PYY: variants seen among roughly 807,000 people sequenced by gnomAD.
PYY encodes peptide tyrosine tyrosine.
PYY carries 12 observed loss-of-function variants against 10.3 expected under a neutral mutation model. The ratio of observed to expected loss-of-function variants is 1.17; its 90% confidence interval spans 0.75 to 1.89. The LOEUF is 1.89. Ranked by LOEUF, PYY falls within the 40% of genes most tolerant of loss-of-function variation. PYY has a pLI of 0.00. For synonymous variants in PYY, 66 were observed against 62.0 expected (o/e 1.06, Z -0.30); for missense variants, 141 against 134.0 (o/e 1.05, Z -0.26).
At chr17:43,959,946 C>T (rs374690806) in intron 2 of PYY, among the ~76,000 whole-genome samples, 13 of 152,204 alleles carry the variant, frequency 8.5e-5, no homozygotes, top group East Asian at 7.7e-4. Flanking sequence ...ACAGTCAGCT[C>T]CCTGATTCAC....
Position 43,964,939 on chromosome 17 carries a change from G to A in PYY, c.-218+1349C>T, listed in dbSNP as rs866919703. ...GGGATTTTTAATGCTACCATCTCCT[G>A]TGTCCTTGAGAACAAGAATTTACAA... On this transcript the variant is annotated intron_variant, in intron 2 of 6. Coordinates refer to the PYY transcript ENST00000360085. Among the ~76,000 whole-genome samples the A allele has an allele frequency of 3.9e-5, 6 of 152,314 alleles. No individual in the cohort carries two copies. The Middle Eastern group carries it at 0.01, about 259-fold the overall frequency.
At position 43,987,164 on chromosome 17, in the gene PYY, TATC is replaced by T. The variant is rs1222546608; in HGVS notation, c.-463+17224_-463+17226del. Among the ~76,000 whole-genome samples the T allele has an allele frequency of 6.6e-6, 1 of 152,110 alleles. No homozygotes were observed. The highest frequency in any genetic ancestry group is 1.5e-5 in the Non-Finnish European group (1 of 68,012). On this transcript the variant is annotated intron_variant, in intron 1 of 6. Coordinates refer to the PYY transcript ENST00000360085. This position sits in a 1 kb window ranked among gnomAD's most constrained non-coding sequence, Gnocchi z 4.0. ...CCTGAAACCATGTCTCTATTACCAA[TATC>T]ATCAGACTGGGCAGAGCTCTCCCCT...
At chr17:43,978,034 A>G (rs2048859808) in intron 1 of PYY, among the ~76,000 whole-genome samples, 1 of 150,882 alleles carries the variant, frequency 6.6e-6, no homozygotes, top group Non-Finnish European at 1.5e-5. Context: ...GCCCGTTTCT[A>G]CAAAAAAACA....
Position 43,987,906 on chromosome 17 carries a change from C to T in PYY, c.-463+16485G>A, listed in dbSNP as rs890346218. Among the ~76,000 whole-genome samples, 22 of 152,160 alleles carry T rather than the reference C, an allele frequency of 1.4e-4. No homozygotes were observed. The highest frequency in any genetic ancestry group is 5.1e-4 in the African/African-American group (21 of 41,430). On this transcript the variant is annotated intron_variant, in intron 1 of 6. Coordinates refer to the PYY transcript ENST00000360085. This position sits in a 1 kb window ranked among gnomAD's most constrained non-coding sequence, Gnocchi z 4.0. ...TTCGGTAGCAGGGAGGGGCAGAGAGCGGTGGGACATATGCCTCCATCTGTC... is the reference window on the plus strand; with the variant it reads ...TTCGGTAGCAGGGAGGGGCAGAGAGTGGTGGGACATATGCCTCCATCTGTC...
rs190280959 is a variant in PYY at position 43,996,272 on chromosome 17, G to A, written c.-463+8119C>T. ...AGAGACCACTCTGAGACTACGTGGA[G>A]AGAGAGAGAGAGATGCTTGTCCAGC... is the stretch of plus-strand genomic sequence containing the variant. On this transcript the variant is annotated intron_variant, in intron 1 of 6. Transcript: ENST00000360085. Among the ~76,000 whole-genome samples, 24 of 150,866 alleles carry A rather than the reference G, an allele frequency of 1.6e-4. No homozygotes were observed. In the South Asian group the frequency reaches 2.7e-3, roughly 17 times the overall value.
At chr17:43,963,630 A>AAGAAAGAGAG (rs2048734368) in intron 2 of PYY, among the ~76,000 whole-genome samples, 2 of 145,238 alleles carry the variant, frequency 1.4e-5, no homozygotes, top group African/African-American at 5.1e-5. Context: ...AAGAAAGAGA[A>AAGAAAGAGAG]AGAAAGAAAA....
chr17:43,955,865 C>T (rs1199904175), upstream of PYY, among the ~76,000 whole-genome samples: 1 of 152,114 alleles, frequency 6.6e-6, no homozygotes, highest in East Asian at 1.9e-4. Context: ...GTTAGGACAT[C>T]TGTGATCCCA....
At chr17:43,997,147 C>G (rs1022414234) in intron 1 of PYY, among the ~76,000 whole-genome samples, 1 of 151,708 alleles carries the variant, frequency 6.6e-6, no homozygotes, top group Non-Finnish European at 1.5e-5. Context: ...CAAGTGATTC[C>G]CCGGCCTCAG....
chr17:43,989,552 G>A (rs1370881328), intron 1 of PYY, among the ~76,000 whole-genome samples: 1 of 151,926 alleles, frequency 6.6e-6, no homozygotes, highest in Non-Finnish European at 1.5e-5. Context: ...CCATCCTGAT[G>A]TGTGTGAAGC....
chr17:43,976,381 A>G (rs528362957), intron 1 of PYY, among the ~76,000 whole-genome samples: 9 of 150,072 alleles, frequency 6.0e-5, no homozygotes, highest in Admixed American at 6.0e-4. Context: ...ATATACACAT[A>G]CATGTATACA....
Position 44,002,196 on chromosome 17 carries a change from C to T in PYY, c.-463+2195G>A, listed in dbSNP as rs192502178. 9.7e-3 allele frequency among the ~76,000 whole-genome samples: 1,484 copies of T among 152,264 alleles called. 12 individuals are homozygous for T. Among genetic ancestry groups the T allele is most frequent in the Non-Finnish European group, 0.017 (1,141 of 68,010 alleles). On this transcript the variant is annotated intron_variant, in intron 1 of 6. Coordinates refer to the PYY transcript ENST00000360085. ...CCCTCCTTCCACTACAGAGTCTCCC[C>T]CCCGGGACAGTGTGTCCGAGGGGTG... is the stretch of plus-strand genomic sequence containing the variant.
chr17:43,965,492 A>AAAAT (rs1270723237), intron 2 of PYY, among the ~76,000 whole-genome samples: 8 of 145,886 alleles, frequency 5.5e-5, no homozygotes, highest in African/African-American at 2.0e-4. Flanking sequence ...AAAAAAAAAA[A>AAAAT]AAATTGTATA....
At chr17:43,968,351 C>T (rs1011222428) in intron 1 of PYY, among the ~76,000 whole-genome samples, 1 of 152,090 alleles carries the variant, frequency 6.6e-6, no homozygotes, top group African/African-American at 2.4e-5. Flanking sequence ...GAAGAAATAA[C>T]ACTGATTTTA....
In PYY at chr17:43,976,171, A is replaced by G. The variant is rs552062739; in HGVS notation, c.-462-9639T>C. On this transcript the variant is annotated intron_variant, in intron 1 of 6. Coordinates refer to the PYY transcript ENST00000360085. ...TATACATATGTATACATGCATGCAT[A>G]TATGTATATATACGTATATGTATAC... 3.9e-3 allele frequency among the ~76,000 whole-genome samples: 339 copies of G among 86,966 alleles called. 30 individuals are homozygous for G. Among genetic ancestry groups the G allele is most frequent in the Non-Finnish European group, 4.3e-3 (233 of 54,088 alleles). 57.1% of individuals were successfully genotyped at this position (86,966 alleles called of 152,430 possible). A position where few individuals can be genotyped will look rare whatever the true frequency, so the allele number is the denominator to read the frequency against.
At chr17:43,975,583 G>T in intron 1 of PYY, among the ~76,000 whole-genome samples, 1 of 151,372 alleles carries the variant, frequency 6.6e-6, no homozygotes, top group East Asian at 1.9e-4. Flanking sequence ...GCTGAGTATT[G>T]TAGCACGTGC....
At position 43,953,264 on chromosome 17, in the gene PYY, C is replaced by T. The variant is rs377113562; in HGVS notation, c.188+32G>A. On this transcript the variant is annotated intron_variant, in intron 2 of 3. Transcript: ENST00000692052. ...GTGGAGCGGGGCCGCAGGGTGAGAG[C>T]CCCAGGGGTCCCGCTCCGCGCCTGC... The T allele has an allele frequency of 4.4e-6, 7 of 1,599,422 alleles. No homozygotes were observed. The African/African-American group carries it at 8.9e-5, about 20-fold the overall frequency.
upstream of PYY, among the ~76,000 whole-genome samples, chr17:43,955,459 C>T (rs947348791): frequency 6.6e-6 from 1 of 152,118 alleles, no homozygotes; most frequent in African/African-American, 2.4e-5. Flanking sequence ...CTGCATTCTC[C>T]GGAAATGGCT....
chr17:43,991,029 C>T (rs546722207), intron 1 of PYY, among the ~76,000 whole-genome samples: 5 of 151,842 alleles, frequency 3.3e-5, no homozygotes, highest in African/African-American at 9.7e-5. Context: ...ATGATCCGCC[C>T]GCCTCGGCCT....
At chr17:43,994,703 C>A (rs1406712543) in intron 1 of PYY, among the ~76,000 whole-genome samples, 1 of 152,168 alleles carries the variant, frequency 6.6e-6, no homozygotes, top group East Asian at 1.9e-4. Context: ...CCAAATAAAA[C>A]CTCCTGCTCC....
Sources: gnomAD v4.1 joint callset for allele counts (sites outside exome capture counted in the v4.1 genomes callset) on GRCh38, gnomAD v4.1.1 for gene constraint, Gnocchi (gnomAD v3.1) non-coding constraint, MANE v1.5 for transcripts, NCBI Gene and HGNC (gene_info 2026-07-23, HGNC 2026-07-21) for gene names.